Variants in CADPS2 observed in about 807,000 individuals in gnomAD.
CADPS2 encodes calcium dependent secretion activator 2.
CADPS2 carries 93 observed loss-of-function variants against 172.5 expected under a neutral mutation model. The ratio of observed to expected loss-of-function variants is 0.54; its 90% CI spans 0.46 to 0.64. The LOEUF is 0.64. Among genes scored for constraint, CADPS2 ranks in the 30% least tolerant of loss-of-function variants. The probability of loss-of-function intolerance (pLI) is 0.00; values close to 1 mark genes in which losing one functional copy is unlikely to be tolerated. For missense variants in CADPS2, 1,420 were observed against 1,565.9 expected, an observed-to-expected ratio of 0.91 and a Z score of 1.57; for synonymous variants, 546 against 555.2, an observed-to-expected ratio of 0.98 and a Z score of 0.23.
chr7:122,723,707 T>C (rs2090751411), intron 2 of CADPS2, among the ~76,000 whole-genome samples: 1 of 152,164 alleles, frequency 6.6e-6, no homozygotes, highest in Non-Finnish European at 1.5e-5. Context: ...TAAATCATGC[T>C]GCTATAAAGA....
intron 25 of CADPS2, among the ~76,000 whole-genome samples, chr7:122,366,387 G>A (rs2040841555): frequency 6.7e-6 from 1 of 149,654 alleles, no homozygotes; most frequent in African/African-American, 2.5e-5. Flanking sequence ...GGTGAATCAC[G>A]AGGTCAGGCA....
chr7:122,874,291 A>T (rs140646216), intron 1 of CADPS2, among the ~76,000 whole-genome samples: 2 of 152,170 alleles, frequency 1.3e-5, no homozygotes, highest in Admixed American at 6.5e-5. Context: ...CAATTGCTAC[A>T]AAGAGAATAA....
intron 9 of CADPS2, among the ~76,000 whole-genome samples, chr7:122,511,881 C>T (rs975489412): frequency 1.5e-4 from 23 of 152,048 alleles, no homozygotes; most frequent in Non-Finnish European, 2.6e-4. Flanking sequence ...ATTCATGCAC[C>T]AATGTCAGAA....
chr7:122,884,198 T>C (rs1823684572), intron 1 of CADPS2, among the ~76,000 whole-genome samples: 1 of 152,208 alleles, frequency 6.6e-6, no homozygotes, highest in African/African-American at 2.4e-5. Context: ...TTAAATGCAA[T>C]ATGAATGGTA....
chr7:122,455,747 C>T (rs1457016521), intron 14 of CADPS2, among the ~76,000 whole-genome samples: 3 of 152,108 alleles, frequency 2.0e-5, no homozygotes, highest in Non-Finnish European at 4.4e-5. Context: ...CCCTCTGTCA[C>T]CCAGGCTGGA....
intron 17 of CADPS2, among the ~76,000 whole-genome samples, chr7:122,419,905 T>C (rs1234010186): frequency 1.3e-5 from 2 of 152,188 alleles, no homozygotes; most frequent in South Asian, 2.1e-4. Flanking sequence ...ATGCACAATA[T>C]TGTTTCAGTT....
intron 1 of CADPS2, among the ~76,000 whole-genome samples, chr7:122,798,821 T>C (rs932548194): frequency 2.0e-5 from 3 of 151,936 alleles, no homozygotes; most frequent in African/African-American, 4.8e-5. Context: ...AAAATACTTA[T>C]GTACACTTGC....
intron 15 of CADPS2, among the ~76,000 whole-genome samples, chr7:122,444,042 C>T (rs924289160): frequency 6.6e-6 from 1 of 152,166 alleles, no homozygotes; most frequent in Admixed American, 6.5e-5. Flanking sequence ...GTTTGTATGT[C>T]TAGAATTTTA....
intron 1 of CADPS2, among the ~76,000 whole-genome samples, chr7:122,779,447 T>C (rs1372045625): frequency 6.6e-6 from 1 of 152,154 alleles, no homozygotes; most frequent in Non-Finnish European, 1.5e-5. Flanking sequence ...TTCAAGCCTC[T>C]GCTCATATCA....
At chr7:122,694,534 C>T (rs754101060) in intron 2 of CADPS2, among the ~76,000 whole-genome samples, 15 of 152,114 alleles carry the variant, frequency 9.9e-5, no homozygotes, top group Admixed American at 2.0e-4. Context: ...AAAGATGCTG[C>T]CATAATTGTG....
At chr7:122,524,149 G>C (rs1295583027) in intron 8 of CADPS2, among the ~76,000 whole-genome samples, 2 of 152,082 alleles carry the variant, frequency 1.3e-5, no homozygotes, top group Non-Finnish European at 2.9e-5. Flanking sequence ...GAAACAAAAG[G>C]TTTAGCAAAG....
intron 1 of CADPS2, among the ~76,000 whole-genome samples, chr7:122,788,594 G>A (rs1330992404): frequency 1.3e-5 from 2 of 152,104 alleles, no homozygotes; most frequent in Non-Finnish European, 2.9e-5. Context: ...TGATTATTGA[G>A]CAGCTTTATA....
In CADPS2 at chr7:122,388,727, G is replaced by A. The variant is rs777633577; in HGVS notation, c.3020C>T (p.Ala1007Val). 6.2e-7 allele frequency: 1 copy of A among 1,603,888 alleles called. No individual in the cohort carries two copies. The highest frequency in any genetic ancestry group is 1.3e-5 in the African/African-American group (1 of 74,796). The change falls in exon 23 of 30, where the codon GCA becomes GTA. Residue 1007 changes from alanine (A) to valine (V), a missense_variant. Coordinates refer to ENST00000449022, the MANE Select transcript of CADPS2 (RefSeq NM_017954.11). The part of the protein sequence containing the change: ...PSLYESTNGS[A>V]TSEDLFWKLD... Reference sequence around the variant, plus strand: ...CTTCCAAAAAAGGTCTTCTGATGTTGCTGAGCCATTGCTAGAAGAAAAAGG... The same window carrying A: ...CTTCCAAAAAAGGTCTTCTGATGTTACTGAGCCATTGCTAGAAGAAAAAGG...
chr7:122,686,560 G>A lies in CADPS2; in HGVS notation c.454-22991C>T, dbSNP rs908385385. On this transcript the variant is annotated intron_variant, in intron 2 of 29. Coordinates refer to ENST00000449022, the MANE Select transcript of CADPS2 (RefSeq NM_017954.11). ...TCTGTAAACTCTGCAGTGAGCTTAA[G>A]AATTTGCATTTCTAACAAGTTCCCA... Among the ~76,000 whole-genome samples the A allele has an allele frequency of 8.4e-4, 128 of 152,210 alleles. 2 individuals carry two copies. The highest frequency in any genetic ancestry group is 3.2e-4 in the Non-Finnish European group (22 of 68,038).
chr7:122,839,377 T>A (rs1443875103), intron 1 of CADPS2, among the ~76,000 whole-genome samples: 4 of 152,110 alleles, frequency 2.6e-5, no homozygotes, highest in Admixed American at 6.5e-5. Flanking sequence ...GGGCAAGGAC[T>A]TCATGTCTAA....
chr7:122,850,118 C>T, intron 1 of CADPS2: 1 of 1,334,178 alleles, frequency 7.5e-7, no homozygotes, highest in Non-Finnish European at 9.8e-7. Context: ...CATCCATCAA[C>T]AACTCCGAGT....
chr7:122,662,507 C>G (rs894565084), intron 3 of CADPS2, among the ~76,000 whole-genome samples: 12 of 151,802 alleles, frequency 7.9e-5, no homozygotes, highest in Admixed American at 7.9e-4. Flanking sequence ...TCCTGAGTAG[C>G]TGGGACTACA....
chr7:122,678,865 AC>A (rs1302895254), intron 2 of CADPS2, among the ~76,000 whole-genome samples: 1 of 3,632 alleles, frequency 2.8e-4, no homozygotes, highest in Non-Finnish European at 1.1e-3. Flanking sequence ...ACCAGCTGAA[AC>A]CATGGCAGAA....
At chr7:122,746,350 A>G (rs76089400) in intron 1 of CADPS2, among the ~76,000 whole-genome samples, 6,144 of 152,226 alleles carry the variant, frequency 0.04, 223 homozygotes, top group Middle Eastern at 0.13. Context: ...CAGATTTCAA[A>G]CATTCAGAAC....
Sources: gnomAD v4.1 joint callset for allele counts (sites outside exome capture counted in the v4.1 genomes callset) on GRCh38, gnomAD v4.1.1 for gene constraint, MANE v1.5 for transcripts, NCBI Gene and HGNC (gene_info 2026-07-23, HGNC 2026-07-21) for gene names.